MXRA5: variants seen among roughly 807,000 people sequenced by gnomAD.
The protein encoded by MXRA5 is matrix-remodeling-associated protein 5.
MXRA5 carries 41 observed loss-of-function variants against 112.5 expected under a neutral mutation model. The ratio of observed to expected loss-of-function variants is 0.36; its 90% CI spans 0.28 to 0.47. The LOEUF is 0.47. Ranked by LOEUF, MXRA5 falls within the 20% of genes least tolerant of loss-of-function variation. The pLI is 0.99. For missense variants in MXRA5, 2,150 were observed against 2,251.0 expected, an observed-to-expected ratio of 0.96 and a Z score of 0.91; for synonymous variants, 862 against 900.8, an observed-to-expected ratio of 0.96 and a Z score of 0.77.
At chrX:3,334,574 C>T (rs765298429) in intron 2 of MXRA5, among the ~76,000 whole-genome samples, 3 of 111,154 alleles carry the variant, frequency 2.7e-5, no homozygotes, top group East Asian at 5.7e-4. Flanking sequence ...GCTAAGAATT[C>T]GTGAGTTAAA....
chrX:3,330,093 G>C lies in MXRA5; in HGVS notation c.634C>G (p.Leu212Val). The C allele has an allele frequency of 8.3e-7, 1 of 1,210,618 alleles. No individual in the cohort carries two copies. Reference sequence around the variant, plus strand: ...GTCCACGGATTTCCCTGCAAGTAAAGATTCTCCAGAAGCGGCATGTTCCGA... The same window carrying C: ...GTCCACGGATTTCCCTGCAAGTAAACATTCTCCAGAAGCGGCATGTTCCGA... ...MLRNMPLLEN[L>V]YLQGNPWTCD... The change falls in exon 4 of 7, where the codon CTT becomes GTT. Residue 212 changes from leucine (L) to valine (V), a missense_variant. Transcript: ENST00000217939.
intron 6 of MXRA5, among the ~76,000 whole-genome samples, chrX:3,315,843 G>A (rs2146917146): frequency 9.1e-6 from 1 of 110,182 alleles, no homozygotes; most frequent in Admixed American, 9.7e-5. Flanking sequence ...ACACGTCTAT[G>A]TATTTTGTTG....
Position 3,321,744 on chromosome X carries a change from G to A in MXRA5, c.3941C>T (p.Pro1314Leu). The A allele has an allele frequency of 8.3e-7, 1 of 1,210,740 alleles. No individual in the cohort carries two copies. The highest frequency in any genetic ancestry group is 1.8e-5 in the South Asian group (1 of 56,753). Residue 1314 changes from proline (P) to leucine (L), a missense_variant, in exon 5 of 7, where the codon CCA (proline) becomes CTA (leucine). By Grantham distance (98) the Pro-to-Leu change is moderately conservative. Around this residue, in one of 6 missense-constraint regions of MXRA5, gnomAD observed 1,485 missense variants for 1,471.6 expected, o/e 1.01. Transcript: ENST00000217939. ...ATCTGATGTGGGTTTATATGTGACT[G>A]GAAGTGTCTCTTGGACTTTAGGGTA... ...SSYPKVQETL[P>L]VTYKPTSDGK...
At chrX:3,326,091 A>G (rs1385796704) in intron 4 of MXRA5, among the ~76,000 whole-genome samples, 2 of 38,843 alleles carry the variant, frequency 5.1e-5, no homozygotes, top group Non-Finnish European at 8.3e-5. Flanking sequence ...ATATATATTT[A>G]TATATATTTA....
rs201873687 is a variant in MXRA5 at position 3,323,064 on chromosome X, A to G, written c.2621T>C (p.Leu874Pro). ...GLEHNHNGVI[L>P]VEPEVTSTPL... ...TGTGCTTGTTACTTCAGGTTCAACA[A>G]GAATAACTCCATTGTGGTTGTGTTC... The change falls in exon 5 of 7, where the codon CTT becomes CCT. Residue 874 changes from leucine to proline, a missense_variant. Transcript: ENST00000217939. 246 of 1,210,079 alleles carry G rather than the reference A, an allele frequency of 2.0e-4. 1 individual carries two copies. In the East Asian group the frequency reaches 7.2e-3, roughly 35 times the overall value.
At position 3,310,337 on chromosome X, in the gene MXRA5, A is replaced by C. The variant is rs5983116; in HGVS notation, c.7866T>G (p.Ala2622=). ...GGGAGACCAGCCTCTCCGTGTGGCCAGCGGCATTGCGGGCCACGCAGCGGT... is the reference window on the plus strand; with the variant it reads ...GGGAGACCAGCCTCTCCGTGTGGCCCGCGGCATTGCGGGCCACGCAGCGGT... ...GAYRCVARNA[A]GHTERLVSLK... The change falls in exon 7 of 7, where the codon GCT becomes GCG. Residue 2622 remains alanine, a synonymous_variant. Transcript: ENST00000217939. 0.028 allele frequency: 32,459 copies of C among 1,162,238 alleles called. 981 individuals carry two copies. Among genetic ancestry groups the C allele is most frequent in the African/African-American group, 0.059 (3,221 of 54,941 alleles).
intron 1 of MXRA5, among the ~76,000 whole-genome samples, chrX:3,344,884 G>A (rs1458961765): frequency 2.7e-5 from 3 of 110,827 alleles, no homozygotes; most frequent in Non-Finnish European, 5.7e-5. Context: ...AGGCCGAGGC[G>A]GGCGGATCAC....
rs759981443 is a variant in MXRA5, at chrX:3,322,192, G to A, written c.3493C>T (p.Arg1165Trp). The change falls in exon 5 of 7, where the codon CGG becomes TGG. Residue 1165 changes from arginine to tryptophan, a missense_variant. Coordinates refer to ENST00000217939, the MANE Select transcript of MXRA5 (RefSeq NM_015419.4). ...GTTGTGGGTGGGGTTTGCTTGTGCC[G>A]GTGGCGGAATTTGTTGGGGCGTAAT... ...RRLRPNKFRHRHKQTPPTTFA... is the reference protein window; with the variant it reads ...RRLRPNKFRHWHKQTPPTTFA... 17 of 1,188,130 alleles carry A rather than the reference G, an allele frequency of 1.4e-5. No individual in the cohort carries two copies. The highest frequency in any genetic ancestry group is 3.8e-5 in the South Asian group (2 of 52,582).
intron 5 of MXRA5, among the ~76,000 whole-genome samples, chrX:3,318,350 T>C (rs1280553813): frequency 9.0e-6 from 1 of 111,006 alleles, no homozygotes; most frequent in Admixed American, 9.6e-5. Flanking sequence ...TCTTGCTGTG[T>C]TGCCCAGGCT....
chrX:3,313,416 C>T (rs140795647), intron 6 of MXRA5, among the ~76,000 whole-genome samples: 3,797 of 111,953 alleles, frequency 0.034, 67 homozygotes, highest in Non-Finnish European at 0.056. Flanking sequence ...TAGGCCACCA[C>T]GCCCTGCTAA....
At chrX:3,324,998 C>T in intron 4 of MXRA5, 23 bp from the exon 5 acceptor site, 12 of 1,147,491 alleles carry the variant, frequency 1.0e-5, no homozygotes, top group Non-Finnish European at 1.4e-5. Flanking sequence ...AGCAAATAGA[C>T]AATAGGGTAA....
At chrX:3,330,869 C>T in intron 2 of MXRA5, 96 bp from the exon 3 acceptor site, 1 of 577,314 alleles carries the variant, frequency 1.7e-6, no homozygotes, top group East Asian at 4.0e-5. Context: ...CCTAGCCTGC[C>T]CAAGAGCAAA....
At position 3,342,745 on chromosome X, in the gene MXRA5, T is replaced by A. The variant is rs149295227; in HGVS notation, c.188+901A>T. The stretch of plus-strand genomic sequence containing the variant: ...CATTCCCTGACTCTACCACTGTCGA[T>A]AGAGAAATTTCCATCTTATTATCTC... On this transcript the variant is annotated intron_variant, in intron 2 of 6. Coordinates refer to ENST00000217939, the MANE Select transcript of MXRA5 (RefSeq NM_015419.4). 3.6e-5 allele frequency among the ~76,000 whole-genome samples: 4 copies of A among 112,550 alleles called. No homozygotes were observed. The Admixed American group carries it at 3.8e-4, about 11-fold the overall frequency.
chrX:3,330,409 C>T lies in MXRA5; in HGVS notation c.319-1G>A, dbSNP rs1921636988. On this transcript the variant is annotated splice_acceptor_variant, in intron 3 of 6. Coordinates refer to ENST00000217939, the MANE Select transcript of MXRA5 (RefSeq NM_015419.4). LOFTEE classifies it high-confidence loss of function. ...GCTTGTTGTAGCTGAACTTGAAAAC[C>T]TGCAAGGACAGGGGAAAACAAAACA... The T allele has an allele frequency of 8.4e-7, 1 of 1,189,023 alleles. No individual in the cohort carries two copies. The highest frequency in any genetic ancestry group is 1.1e-6 in the Non-Finnish European group (1 of 885,759).
In MXRA5 at chrX:3,334,317, G is replaced by T. The variant is rs1305300900; in HGVS notation, c.189-3544C>A. ...TTTGAGGTCAGGCACACTTCACGTTGCCCGCTGGCTATCCCAGAGAAGTTA... is the reference window on the plus strand; with the variant it reads ...TTTGAGGTCAGGCACACTTCACGTTTCCCGCTGGCTATCCCAGAGAAGTTA... On this transcript the variant is annotated intron_variant, in intron 2 of 6. Transcript: ENST00000217939. Among the ~76,000 whole-genome samples, 3 of 111,751 alleles carry T rather than the reference G, an allele frequency of 2.7e-5. No individual in the cohort carries two copies. The Admixed American group carries it at 2.9e-4, about 11-fold the overall frequency.
chrX:3,337,442 C>T (rs906230665), intron 2 of MXRA5, among the ~76,000 whole-genome samples: 9 of 111,706 alleles, frequency 8.1e-5, no homozygotes, highest in African/African-American at 2.9e-4. Context: ...TTTGCCTTAG[C>T]ACGTGCAAAT....
rs1212804553 is a variant in MXRA5 at position 3,317,625 on chromosome X, T to C, written c.6056A>G (p.Asp2019Gly). Residue 2019 changes from aspartate (D) to glycine (G), a missense_variant, in exon 6 of 7, where the codon GAC becomes GGC. Physicochemically the swap from Asp to Gly is moderately conservative, Grantham distance 94. Around this residue, in one of 6 missense-constraint regions of MXRA5, gnomAD observed 1,485 missense variants for 1,471.6 expected, o/e 1.01. Coordinates refer to ENST00000217939, the MANE Select transcript of MXRA5 (RefSeq NM_015419.4). ...TLSIKEASFS[D>G]RGVYKCVASN... ...GGCCACGCACTTATAGACGCCTCTGTCTGAGAAGGACGCCTCCTTGATGGA... is the reference window on the plus strand; with the variant it reads ...GGCCACGCACTTATAGACGCCTCTGCCTGAGAAGGACGCCTCCTTGATGGA... 1 of 1,207,735 alleles carries C rather than the reference T, an allele frequency of 8.3e-7. No homozygotes were observed. The highest frequency in any genetic ancestry group is 3.0e-5 in the East Asian group (1 of 33,698).
Position 3,323,185 on chromosome X carries a change from T to C in MXRA5, c.2500A>G (p.Thr834Ala). The C allele has an allele frequency of 8.3e-7, 1 of 1,211,563 alleles. No individual in the cohort carries two copies. Among genetic ancestry groups the C allele is most frequent in the Non-Finnish European group, 1.1e-6 (1 of 895,500 alleles). Residue 834 changes from threonine (T) to alanine (A), a missense_variant, in exon 5 of 7, where the codon ACA (threonine) becomes GCA (alanine). Around this residue, in one of 6 missense-constraint regions of MXRA5, gnomAD observed 1,485 missense variants for 1,471.6 expected, o/e 1.01. Transcript: ENST00000217939. ...ISPPSASPVQ[T>A]VTSAEESSAD... ...GAGGATTCTTCAGCACTGGTTACTG[T>C]CTGCACAGGAGATGCTGAGGGGGGA...
intron 2 of MXRA5, among the ~76,000 whole-genome samples, chrX:3,341,777 C>A (rs967339963): frequency 1.0e-5 from 1 of 98,285 alleles, no homozygotes; most frequent in Admixed American, 1.3e-4. Flanking sequence ...GTACCCCCAG[C>A]ATGGGACCTG....
Sources: allele counts gnomAD v4.1 joint callset (sites outside exome capture counted in the v4.1 genomes callset), GRCh38; gene constraint gnomAD v4.1.1; regional missense constraint gnomAD v4.1.1; transcripts MANE v1.5; gene names NCBI Gene and HGNC (gene_info 2026-07-23, HGNC 2026-07-21).